The following IL1RAPL2 variants were observed in gnomAD, a reference collection of about 807,000 sequenced individuals.
IL1RAPL2 encodes the protein interleukin 1 receptor accessory protein like 2.
A neutral mutation model predicts 44.1 loss-of-function variants in IL1RAPL2; 3 were observed. The ratio of observed to expected loss-of-function variants is 0.07; its 90% CI spans 0.03 to 0.18. The LOEUF (loss-of-function observed/expected upper bound fraction) is 0.18, where lower values mean the gene tolerates loss of function less well. Among genes scored for constraint, IL1RAPL2 ranks in the 10% least tolerant of loss-of-function variants. IL1RAPL2 has a pLI of 1.00. For synonymous variants in IL1RAPL2, 181 were observed against 178.8 expected (o/e 1.01, Z -0.10); for missense variants, 391 against 496.4 (o/e 0.79, Z 2.02).
chrX:104,698,168 C>T (rs1402346932), intron 2 of IL1RAPL2, among the ~76,000 whole-genome samples: 1 of 112,187 alleles, frequency 8.9e-6, no homozygotes, highest in African/African-American at 3.2e-5. Flanking sequence ...CTGGGTTCAT[C>T]GAAGTGGGAA....
chrX:104,647,414 G>T, intron 1 of IL1RAPL2: 1 of 588,518 alleles, frequency 1.7e-6, no homozygotes. Flanking sequence ...CACAAATCTG[G>T]CCCTCTCTGC....
At position 105,489,905 on chromosome X, in the gene IL1RAPL2, G is replaced by A. The variant is rs189420660; in HGVS notation, c.772+5518G>A. ...TGCAGTGGCATGATCTCGACTCACT[G>A]CAACCTCCGCCTCCCGGGTTCAAGT... On this transcript the variant is annotated intron_variant, in intron 6 of 10. Coordinates refer to ENST00000372582, the MANE Select transcript of IL1RAPL2 (RefSeq NM_017416.2). Among the ~76,000 whole-genome samples the A allele has an allele frequency of 1.3e-3, 142 of 106,411 alleles. 1 individual carries two copies. The highest frequency in any genetic ancestry group is 4.6e-3 in the African/African-American group (133 of 29,132). 92.4% of individuals were successfully genotyped at this position (106,411 alleles called of 115,157 possible). A position where few individuals can be genotyped will look rare whatever the true frequency, so the allele number is the denominator to read the frequency against.
At chrX:105,218,044 A>G (rs1556170104) in intron 3 of IL1RAPL2, among the ~76,000 whole-genome samples, 1 of 110,958 alleles carries the variant, frequency 9.0e-6, no homozygotes, top group East Asian at 2.8e-4. Flanking sequence ...GCAAACCACC[A>G]TGGCACGTGT....
chrX:104,878,161 C>A (rs1035081380), intron 2 of IL1RAPL2, among the ~76,000 whole-genome samples: 1 of 111,732 alleles, frequency 8.9e-6, no homozygotes, highest in Non-Finnish European at 1.9e-5. Flanking sequence ...GACCCCGGCA[C>A]ATTGGATCAT....
intron 1 of IL1RAPL2, among the ~76,000 whole-genome samples, chrX:104,593,006 T>C: frequency 8.9e-6 from 1 of 111,847 alleles, no homozygotes; most frequent in East Asian, 2.8e-4. Context: ...ACAGTAATTT[T>C]AGATGGGGTC....
intron 5 of IL1RAPL2, among the ~76,000 whole-genome samples, chrX:105,366,263 T>C (rs1297239407): frequency 3.6e-5 from 4 of 111,362 alleles, no homozygotes; most frequent in South Asian, 7.5e-4. Context: ...TTCTCTTTTT[T>C]CTTTGTTAGT....
chrX:104,964,439 G>A (rs974261832), intron 2 of IL1RAPL2, among the ~76,000 whole-genome samples: 3 of 108,714 alleles, frequency 2.8e-5, no homozygotes, highest in Admixed American at 9.9e-5. Flanking sequence ...AGCCTCCCGA[G>A]TAGCTGGGAC....
At chrX:104,763,843 C>T (rs769274320) in intron 2 of IL1RAPL2, among the ~76,000 whole-genome samples, 1 of 111,348 alleles carries the variant, frequency 9.0e-6, no homozygotes, top group Admixed American at 9.5e-5. Context: ...ATGAGAACTA[C>T]AATTCAAGAT....
intron 1 of IL1RAPL2, among the ~76,000 whole-genome samples, chrX:104,582,640 CTCTCTT>C (rs1475537307): frequency 9.5e-5 from 5 of 52,611 alleles, no homozygotes; most frequent in Admixed American, 8.8e-4. Context: ...TTCTTTCTTT[CTCTCTT>C]TCTTTCTTTC....
At chrX:105,586,322 T>C (rs190141832) in intron 6 of IL1RAPL2, among the ~76,000 whole-genome samples, 82 of 111,706 alleles carry the variant, frequency 7.3e-4, no homozygotes, top group African/African-American at 2.6e-3. Flanking sequence ...CCAGTCAGAA[T>C]GGCAATTTTT....
intron 8 of IL1RAPL2, among the ~76,000 whole-genome samples, chrX:105,743,436 G>A (rs148107274): frequency 9.0e-6 from 1 of 111,241 alleles, no homozygotes; most frequent in African/African-American, 3.3e-5. Context: ...TGTTTCATCT[G>A]TCTGGAACAC....
Position 105,121,580 on chromosome X carries a change from G to A in IL1RAPL2, c.83-73895G>A, listed in dbSNP as rs527290993. On this transcript the variant is annotated intron_variant, in intron 2 of 10. Transcript: ENST00000372582. Reference sequence around the variant, plus strand: ...GAGCATGTGGTTTTCTATTAAATAGGTTTATTTAAACCAATATTTTATTTT... The same window carrying A: ...GAGCATGTGGTTTTCTATTAAATAGATTTATTTAAACCAATATTTTATTTT... Among the ~76,000 whole-genome samples the A allele has an allele frequency of 2.6e-4, 29 of 111,548 alleles. No homozygotes were observed. In the South Asian group the frequency reaches 0.01, roughly 40 times the overall value.
At chrX:105,354,414 A>T (rs1031690657) in intron 5 of IL1RAPL2, among the ~76,000 whole-genome samples, 1 of 104,754 alleles carries the variant, frequency 9.5e-6, no homozygotes, top group Non-Finnish European at 1.9e-5. Context: ...AAAAAACCAA[A>T]CACTGCATGT....
chrX:105,284,912 G>A (rs889012479), intron 5 of IL1RAPL2, among the ~76,000 whole-genome samples: 2 of 111,697 alleles, frequency 1.8e-5, no homozygotes, highest in African/African-American at 6.5e-5. Context: ...CTAATTACTG[G>A]AGGGCCTTGA....
intron 6 of IL1RAPL2, among the ~76,000 whole-genome samples, chrX:105,510,297 ATGTG>A (rs763767201): frequency 9.1e-6 from 1 of 109,638 alleles, no homozygotes. Context: ...GGTAATGTGT[ATGTG>A]TGTGTGTGTG....
chrX:105,759,871 T>C (rs908236958), intron 10 of IL1RAPL2, among the ~76,000 whole-genome samples: 15 of 112,106 alleles, frequency 1.3e-4, no homozygotes, highest in African/African-American at 4.2e-4. Context: ...TGCCACTAGT[T>C]CCTCTAATAG....
intron 2 of IL1RAPL2, among the ~76,000 whole-genome samples, chrX:104,850,194 T>C (rs1475861896): frequency 9.0e-6 from 1 of 111,567 alleles, no homozygotes; most frequent in Non-Finnish European, 1.9e-5. Flanking sequence ...GAATTTTTAA[T>C]GTGGTAGTTG....
At chrX:104,837,714 A>G (rs1321466047) in intron 2 of IL1RAPL2, among the ~76,000 whole-genome samples, 1 of 111,796 alleles carries the variant, frequency 8.9e-6, no homozygotes, top group Non-Finnish European at 1.9e-5. Context: ...TTTGCTGTGC[A>G]GAAGCTCTTT....
Position 105,755,166 on chromosome X carries a change from T to C in IL1RAPL2, c.1193-11T>C, listed in dbSNP as rs758587329. 1 of 1,164,892 alleles carries C rather than the reference T, an allele frequency of 8.6e-7. No homozygotes were observed. Among genetic ancestry groups the C allele is most frequent in the Non-Finnish European group, 1.2e-6 (1 of 860,934 alleles). Reference sequence around the variant, plus strand: ...ATAGTTACAACCCTTTTGTTGTTCTTTATGTTTAAGACAACAAGGAATATG... The same window carrying C: ...ATAGTTACAACCCTTTTGTTGTTCTCTATGTTTAAGACAACAAGGAATATG... On this transcript the variant is annotated splice_polypyrimidine_tract_variant and intron_variant, in intron 9 of 10. Coordinates refer to ENST00000372582, the MANE Select transcript of IL1RAPL2 (RefSeq NM_017416.2).
Sources: gnomAD v4.1 joint callset for allele counts (sites outside exome capture counted in the v4.1 genomes callset) on GRCh38, gnomAD v4.1.1 for gene constraint, MANE v1.5 for transcripts, NCBI Gene and HGNC (gene_info 2026-07-23, HGNC 2026-07-21) for gene names.